The following TASOR2 variants were observed in gnomAD, a reference collection of about 807,000 sequenced individuals.
TASOR2 encodes the protein protein TASOR 2.
A neutral mutation model predicts 199.5 loss-of-function variants in TASOR2; 84 were observed. The observed-to-expected ratio is 0.42, with a 90% CI of 0.35 to 0.50. TASOR2 has a LOEUF of 0.50. Ranked by LOEUF, TASOR2 falls within the 20% of genes least tolerant of loss-of-function variation. The pLI is 0.02. For missense variants in TASOR2, 2,796 were observed against 2,835.9 expected, an observed-to-expected ratio of 0.99 and a Z score of 0.32; for synonymous variants, 1,103 against 1,046.6, an observed-to-expected ratio of 1.05 and a Z score of -1.04.
chr10:5,720,618 T>A lies in TASOR2; in HGVS notation c.-25T>A, dbSNP rs777771805. ...AGATCTGTCCTTATGTAATTGTAGC[T>A]TTTCGATACAGGGAATCTAAAACTA... On this transcript the variant is annotated 5_prime_UTR_variant, in exon 4 of 21. Transcript: ENST00000328090. The surrounding 1 kb of genome is among the most constrained non-coding windows in gnomAD (Gnocchi z 5.3). 1.9e-6 allele frequency: 3 copies of A among 1,613,882 alleles called. No individual in the cohort carries two copies. The highest frequency in any genetic ancestry group is 1.1e-5 in the South Asian group (1 of 91,076).
intron 9 of TASOR2, 22 bp downstream of exon 10, chr10:5,726,979 A>T: frequency 6.2e-7 from 1 of 1,613,610 alleles, no homozygotes; most frequent in Non-Finnish European, 8.5e-7. Flanking sequence ...TGTTTTGGGA[A>T]AAAATATTTT....
chr10:5,749,680 A>C (rs1438965529), exon 15 of TASOR2: 6 of 1,614,224 alleles, frequency 3.7e-6, no homozygotes, highest in Non-Finnish European at 5.1e-6. Flanking sequence ...AAGAAATCAC[A>C]CTGTTTCATT....
intron 1 of TASOR2, among the ~76,000 whole-genome samples, chr10:5,688,972 C>A (rs1243202765): frequency 6.6e-6 from 1 of 152,176 alleles, no homozygotes; most frequent in African/African-American, 2.4e-5. Context: ...CACTGCACAC[C>A]TTCCTGGGTG....
At chr10:5,693,259 T>TTG (rs1340768101) in intron 1 of TASOR2, among the ~76,000 whole-genome samples, 1 of 152,172 alleles carries the variant, frequency 6.6e-6, no homozygotes, top group Non-Finnish European at 1.5e-5. Flanking sequence ...ACGGTGCTAG[T>TTG]TGTGTGTGTG....
chr10:5,691,041 AT>A (rs1430209594), intron 1 of TASOR2, among the ~76,000 whole-genome samples: 3 of 152,068 alleles, frequency 2.0e-5, no homozygotes, highest in Non-Finnish European at 4.4e-5. Flanking sequence ...AATACAAAAA[AT>A]TAGCCGGGCA....
intron 2 of TASOR2, among the ~76,000 whole-genome samples, chr10:5,717,416 T>G (rs1393110003): frequency 1.3e-5 from 2 of 152,066 alleles, no homozygotes; most frequent in Non-Finnish European, 2.9e-5. Flanking sequence ...GAATTAGCGC[T>G]CTCTTCCACT....
chr10:5,726,924 T>G (rs1255655699), exon 9 of TASOR2: 1 of 1,614,014 alleles, frequency 6.2e-7, no homozygotes, highest in Non-Finnish European at 8.5e-7. Flanking sequence ...GTTTTTCATT[T>G]TACTTACATC....
At chr10:5,684,858 G>T (rs11259192) in exon 1 of TASOR2, 5 of 397,286 alleles carry the variant, frequency 1.3e-5, no homozygotes, top group Non-Finnish European at 1.8e-5. Flanking sequence ...GCTAGCGCCG[G>T]TCAGAGAGAA....
chr10:5,718,153 C>G (rs1832881415), intron 3 of TASOR2, among the ~76,000 whole-genome samples: 1 of 152,136 alleles, frequency 6.6e-6, no homozygotes, highest in Non-Finnish European at 1.5e-5. Flanking sequence ...AGACATCCAG[C>G]TTCACAGCTT....
At chr10:5,723,340 G>C (rs971431014) in intron 6 of TASOR2, among the ~76,000 whole-genome samples, 1 of 152,186 alleles carries the variant, frequency 6.6e-6, no homozygotes, top group African/African-American at 2.4e-5. Context: ...ACAGGCGTGA[G>C]CCACCGTGCC....
At position 5,751,671 on chromosome 10, in the gene TASOR2, T is replaced by A. The variant is rs2131637191; in HGVS notation, c.6606+1644T>A. Among the ~76,000 whole-genome samples the A allele has an allele frequency of 6.6e-6, 1 of 152,312 alleles. No homozygotes were observed. Among genetic ancestry groups the A allele is most frequent in the South Asian group, 2.1e-4 (1 of 4,826 alleles). Reference sequence around the variant, plus strand: ...CCCTAGTCTTGAAGTCAAGCATTTCTCCAAGGAGCTGTGACTCTTTAGTGA... The same window carrying A: ...CCCTAGTCTTGAAGTCAAGCATTTCACCAAGGAGCTGTGACTCTTTAGTGA... On this transcript the variant is annotated intron_variant, in intron 15 of 20. Transcript: ENST00000328090. This position sits in a 1 kb window ranked among gnomAD's most constrained non-coding sequence, Gnocchi z 5.3.
At chr10:5,731,097 G>A in exon 11 of TASOR2, 2 of 1,613,830 alleles carry the variant, frequency 1.2e-6, no homozygotes, top group Non-Finnish European at 1.7e-6. Context: ...AGGTGAACTT[G>A]TGCCGCCCCT....
In TASOR2 at chr10:5,730,448, A is replaced by T. The variant is rs553192319; in HGVS notation, c.488-39A>T. On this transcript the variant is annotated intron_variant, in intron 10 of 20. Transcript: ENST00000328090. The surrounding 1 kb of genome is among the most constrained non-coding windows in gnomAD (Gnocchi z 4.1). ...TTCCAGAATGTTTTGTTTTTAAAAA[A>T]TAAACTTCAGATGTTTAATACGTGT... 2.1e-6 allele frequency: 3 copies of T among 1,420,554 alleles called. No homozygotes were observed. The African/African-American group carries it at 4.3e-5, about 20-fold the overall frequency. The allele number at this position is 1,420,554 out of a possible 1,614,324, so 88.0% of individuals were successfully genotyped here. A position where few individuals can be genotyped will look rare whatever the true frequency, so the allele number is the denominator to read the frequency against.
Position 5,742,479 on chromosome 10 carries a change from C to T in TASOR2, c.2710C>T (p.Pro904Ser). The change falls in exon 14 of 21, where the codon CCA (proline) becomes TCA (serine). Residue 904 changes from proline to serine, a missense_variant. Physicochemically the swap from Pro to Ser is moderately conservative, Grantham distance 74. This residue lies in a region of TASOR2 where 1,941 missense variants were observed against 1,924.9 expected (regional missense o/e 1.01). Coordinates refer to ENST00000328090, the Ensembl canonical transcript of TASOR2. The surrounding 1 kb of genome is among the most constrained non-coding windows in gnomAD (Gnocchi z 4.2). ...AAAAACTTTTGCAAGAGAGTGTGAT[C>T]CAGACACCCAAGAAGACCAGAATTT... is the stretch of plus-strand genomic sequence containing the variant. The T allele has an allele frequency of 6.2e-7, 1 of 1,613,868 alleles. No individual in the cohort carries two copies. The highest frequency in any genetic ancestry group is 8.5e-7 in the Non-Finnish European group (1 of 1,179,980).
intron 2 of TASOR2, among the ~76,000 whole-genome samples, chr10:5,716,044 G>A (rs548379204): frequency 6.6e-6 from 1 of 152,272 alleles, no homozygotes; most frequent in South Asian, 2.1e-4. Context: ...TTGCCCCTAG[G>A]CTACAAACCT....
chr10:5,691,949 G>A (rs537925495), intron 1 of TASOR2, among the ~76,000 whole-genome samples: 4 of 152,176 alleles, frequency 2.6e-5, no homozygotes, highest in African/African-American at 4.8e-5. Flanking sequence ...AGACAGAGGC[G>A]GGCTGATCAG....
intron 1 of TASOR2, chr10:5,709,690 T>A (rs1831664620): frequency 8.1e-7 from 1 of 1,227,000 alleles, no homozygotes; most frequent in Non-Finnish European, 1.0e-6. Context: ...GTGCTATAAG[T>A]CATAACTAAT....
chr10:5,720,366 C>T lies in TASOR2; in HGVS notation c.-99-178C>T, dbSNP rs952950420. 2.0e-5 allele frequency: 20 copies of T among 985,136 alleles called. No individual in the cohort carries two copies. In the East Asian group the frequency reaches 4.5e-4, roughly 22 times the overall value. The allele number at this position is 985,136 out of a possible 1,614,324, so 61.0% of individuals were successfully genotyped here. A position where few individuals can be genotyped will look rare whatever the true frequency, so the allele number is the denominator to read the frequency against. On this transcript the variant is annotated intron_variant, in intron 3 of 20. Coordinates refer to ENST00000328090, the Ensembl canonical transcript of TASOR2. This position sits in a 1 kb window ranked among gnomAD's most constrained non-coding sequence, Gnocchi z 5.3. ...AATACTAACAAGGTTTCTAACAAGA[C>T]GAGTCATTTTCGTGCCTTTGAACTG... is the stretch of plus-strand genomic sequence containing the variant.
At chr10:5,695,153 A>G (rs1836994331) in intron 1 of TASOR2, among the ~76,000 whole-genome samples, 1 of 152,188 alleles carries the variant, frequency 6.6e-6, no homozygotes, top group Admixed American at 6.5e-5. Context: ...TTTATTCTTC[A>G]GTTACCAAAT....
Sources: gnomAD v4.1 joint callset for allele counts (sites outside exome capture counted in the v4.1 genomes callset) on GRCh38, gnomAD v4.1.1 for gene constraint, gnomAD v4.1.1 regional missense constraint, Gnocchi (gnomAD v3.1) non-coding constraint, MANE v1.5 for transcripts, NCBI Gene and HGNC (gene_info 2026-07-23, HGNC 2026-07-21) for gene names.